PTPRG: variants seen among roughly 807,000 people sequenced by gnomAD.
PTPRG encodes the protein receptor-type tyrosine-protein phosphatase gamma.
In PTPRG, 102 loss-of-function variants were observed where a neutral mutation model predicts 165.3. The observed-to-expected ratio is 0.62, with a 90% CI of 0.53 to 0.73. The LOEUF (loss-of-function observed/expected upper bound fraction) is 0.73. Among genes scored for constraint, PTPRG ranks in the 30% least tolerant of loss-of-function variants. PTPRG has a pLI of 0.00. For missense variants in PTPRG, 1,866 were observed against 1,861.4 expected (o/e 1.00, Z -0.05); for synonymous variants, 675 against 669.5 (o/e 1.01, Z -0.13).
At chr3:61,587,855 T>A (rs1447722298) in intron 1 of PTPRG, among the ~76,000 whole-genome samples, 1 of 152,042 alleles carries the variant, frequency 6.6e-6, no homozygotes, top group Non-Finnish European at 1.5e-5. Context: ...GAGGTGGCCT[T>A]ACTGTGTTGC....
intron 1 of PTPRG, among the ~76,000 whole-genome samples, chr3:61,568,374 A>G (rs952816566): frequency 1.3e-5 from 2 of 152,220 alleles, no homozygotes; most frequent in East Asian, 3.9e-4. Flanking sequence ...ACTCAGTATG[A>G]AAAGGATTGT....
chr3:61,632,341 C>T (rs1701793175), intron 1 of PTPRG, among the ~76,000 whole-genome samples: 1 of 151,222 alleles, frequency 6.6e-6, no homozygotes, highest in South Asian at 2.1e-4. Flanking sequence ...ACACACAAAT[C>T]TATAGTCTAG....
intron 5 of PTPRG, among the ~76,000 whole-genome samples, chr3:62,078,543 A>G (rs972577372): frequency 2.0e-5 from 3 of 152,146 alleles, no homozygotes; most frequent in Non-Finnish European, 4.4e-5. Flanking sequence ...AGCATTTTGA[A>G]CAGGTTCCTT....
chr3:61,842,008 C>A (rs1575712029), intron 2 of PTPRG, among the ~76,000 whole-genome samples: 1 of 152,160 alleles, frequency 6.6e-6, no homozygotes, highest in Admixed American at 6.5e-5. Context: ...GACACAGCAA[C>A]CCTGATAAGT....
chr3:61,848,080 A>T (rs1332482318), intron 2 of PTPRG, among the ~76,000 whole-genome samples: 1 of 152,146 alleles, frequency 6.6e-6, no homozygotes, highest in African/African-American at 2.4e-5. Flanking sequence ...GGGAACCTGG[A>T]GCCTTTCCTG....
chr3:61,782,401 G>T (rs1375142950), intron 2 of PTPRG, among the ~76,000 whole-genome samples: 3 of 152,172 alleles, frequency 2.0e-5, no homozygotes, highest in African/African-American at 7.2e-5. Flanking sequence ...CAATTTAGTC[G>T]TGTGTTAAAT....
chr3:62,063,355 A>G (rs1045915599), intron 4 of PTPRG, among the ~76,000 whole-genome samples: 1 of 152,224 alleles, frequency 6.6e-6, no homozygotes, highest in Non-Finnish European at 1.5e-5. Flanking sequence ...TATCCAGTTC[A>G]GAAAATGCCT....
intron 1 of PTPRG, among the ~76,000 whole-genome samples, chr3:61,625,717 C>T (rs377156609): frequency 3.9e-5 from 6 of 152,182 alleles, no homozygotes; most frequent in Admixed American, 2.6e-4. Context: ...GTGCCCAAGA[C>T]AGGCTGCCTG....
At chr3:61,671,691 G>A (rs549241401) in intron 1 of PTPRG, among the ~76,000 whole-genome samples, 1 of 148,846 alleles carries the variant, frequency 6.7e-6, no homozygotes, top group South Asian at 2.2e-4. Flanking sequence ...GGGCAGAGGG[G>A]CTCCTCACTT....
intron 1 of PTPRG, among the ~76,000 whole-genome samples, chr3:61,738,069 C>T (rs1232693203): frequency 2.7e-5 from 4 of 149,966 alleles, no homozygotes; most frequent in African/African-American, 7.3e-5. Context: ...CTACCGCACC[C>T]GGCTAATTTT....
intron 6 of PTPRG, among the ~76,000 whole-genome samples, chr3:62,145,633 A>T (rs1409118550): frequency 6.6e-6 from 1 of 152,188 alleles, no homozygotes; most frequent in Non-Finnish European, 1.5e-5. Flanking sequence ...AGAACCAGGA[A>T]GTGGGTGAAA....
intron 2 of PTPRG, among the ~76,000 whole-genome samples, chr3:61,965,379 T>G (rs2040247340): frequency 6.9e-6 from 1 of 145,970 alleles, no homozygotes; most frequent in Non-Finnish European, 1.5e-5. Flanking sequence ...TCCCAGCTAC[T>G]GGGGAGCCTG....
chr3:61,831,039 TG>T (rs2036275985), intron 2 of PTPRG, among the ~76,000 whole-genome samples: 1 of 152,260 alleles, frequency 6.6e-6, no homozygotes, highest in African/African-American at 2.4e-5. Context: ...TAGCTTGTAC[TG>T]TCTGATATTC....
chr3:61,637,689 T>G (rs1701951480), intron 1 of PTPRG, among the ~76,000 whole-genome samples: 1 of 152,182 alleles, frequency 6.6e-6, no homozygotes, highest in African/African-American at 2.4e-5. Context: ...TCGCATTGCT[T>G]CCACGCCTCT....
chr3:61,767,509 G>A (rs1023679415), intron 2 of PTPRG, among the ~76,000 whole-genome samples: 2 of 152,158 alleles, frequency 1.3e-5, no homozygotes, highest in Non-Finnish European at 2.9e-5. Context: ...GATATTAAAT[G>A]TGTTTAAAAT....
At chr3:61,568,289 A>T (rs1300170823) in intron 1 of PTPRG, among the ~76,000 whole-genome samples, 1 of 152,266 alleles carries the variant, frequency 6.6e-6, no homozygotes, top group African/African-American at 2.4e-5. Flanking sequence ...AAGATGTCTT[A>T]AAGTAATACA....
chr3:61,789,049 T>C (rs2034794118), intron 2 of PTPRG, among the ~76,000 whole-genome samples: 1 of 152,168 alleles, frequency 6.6e-6, no homozygotes, highest in Non-Finnish European at 1.5e-5. Context: ...CAATCATTAC[T>C]GAGCGCTGGT....
intron 4 of PTPRG, among the ~76,000 whole-genome samples, chr3:62,056,875 T>C (rs1247391194): frequency 1.8e-4 from 27 of 152,210 alleles, no homozygotes; most frequent in Admixed American, 1.8e-3. Flanking sequence ...CTGTTTCTGT[T>C]GAACTTCCCT....
At chr3:62,142,087 T>A (rs1301195226) in intron 6 of PTPRG, among the ~76,000 whole-genome samples, 5 of 146,608 alleles carry the variant, frequency 3.4e-5, no homozygotes, top group Non-Finnish European at 7.5e-5. Context: ...CATCCGAGAT[T>A]GGTAAAGTTA....
Sources: gnomAD v4.1 joint callset for allele counts (sites outside exome capture counted in the v4.1 genomes callset) on GRCh38, gnomAD v4.1.1 for gene constraint, MANE v1.5 for transcripts, NCBI Gene and HGNC (gene_info 2026-07-23, HGNC 2026-07-21) for gene names.